The following RIT2 variants were observed in gnomAD, a reference collection of about 807,000 sequenced individuals.
The protein encoded by RIT2 is Ras like without CAAX 2.
RIT2 carries 24 observed loss-of-function variants against 23.7 expected under a neutral mutation model. The observed-to-expected ratio is 1.01, with a 90% CI of 0.73 to 1.43. RIT2 has a LOEUF of 1.43. Among genes scored for constraint, RIT2 ranks in the 40% most tolerant of loss-of-function variants. The probability of loss-of-function intolerance (pLI) is 0.00; values close to 1 mark genes in which losing one functional copy is unlikely to be tolerated. For missense variants in RIT2, 236 were observed against 266.9 expected, an observed-to-expected ratio of 0.88 and a Z score of 0.81; for synonymous variants, 107 against 91.1, an observed-to-expected ratio of 1.17 and a Z score of -0.99.
intron 1 of RIT2, among the ~76,000 whole-genome samples, chr18:43,066,319 G>A (rs745926764): frequency 3.3e-5 from 5 of 152,022 alleles, no homozygotes; most frequent in Non-Finnish European, 5.9e-5. Context: ...AATTTACAAA[G>A]AAAATCCATA....
At chr18:42,883,470 G>T (rs1341026134) in intron 4 of RIT2, among the ~76,000 whole-genome samples, 1 of 152,100 alleles carries the variant, frequency 6.6e-6, no homozygotes, top group Non-Finnish European at 1.5e-5. Context: ...TAGAGACTCA[G>T]CAGGACACAG....
chr18:42,953,189 T>G (rs1312982474), intron 3 of RIT2, among the ~76,000 whole-genome samples: 3 of 152,182 alleles, frequency 2.0e-5, no homozygotes, highest in African/African-American at 7.2e-5. Flanking sequence ...TTAATATCAT[T>G]TTAATATGTT....
In RIT2 at chr18:42,983,530, C is replaced by G. The variant is rs140262163; in HGVS notation, c.161-9383G>C. On this transcript the variant is annotated intron_variant, in intron 2 of 4. Coordinates refer to ENST00000326695, the MANE Select transcript of RIT2 (RefSeq NM_002930.4). ...AAATTTTAAAAATCAATATCTTTTA[C>G]TCTATGAAAGACTCCATTAACATGA... Among the ~76,000 whole-genome samples the G allele has an allele frequency of 2.7e-3, 406 of 152,070 alleles. 4 individuals are homozygous for G. Among genetic ancestry groups the G allele is most frequent in the African/African-American group, 9.5e-3 (394 of 41,518 alleles).
intron 4 of RIT2, among the ~76,000 whole-genome samples, chr18:42,783,126 C>T (rs1474189578): frequency 1.3e-5 from 2 of 152,106 alleles, no homozygotes; most frequent in Non-Finnish European, 2.9e-5. Context: ...TCTTACCAAA[C>T]ACGTTTGTCC....
intron 1 of RIT2, among the ~76,000 whole-genome samples, chr18:43,053,948 T>A (rs1912442114): frequency 6.6e-6 from 1 of 152,188 alleles, no homozygotes; most frequent in South Asian, 2.1e-4. Context: ...GTCATACAAA[T>A]GTATTTTGGA....
chr18:42,928,623 T>A (rs1418617728), intron 3 of RIT2, among the ~76,000 whole-genome samples: 1 of 151,940 alleles, frequency 6.6e-6, no homozygotes, highest in Admixed American at 6.6e-5. Flanking sequence ...GAAAAAATTA[T>A]AAAGGATTAA....
Position 42,907,701 on chromosome 18 carries a change from C to G in RIT2, c.426+15871G>C, listed in dbSNP as rs180837236. 2.0e-5 allele frequency among the ~76,000 whole-genome samples: 3 copies of G among 152,234 alleles called. No homozygotes were observed. In the East Asian group the frequency reaches 5.8e-4, roughly 29 times the overall value. On this transcript the variant is annotated intron_variant, in intron 4 of 4. Coordinates refer to ENST00000326695, the MANE Select transcript of RIT2 (RefSeq NM_002930.4). ...TGAAATTATCTGTTAAAGATTTTAGCCAGGTATGGTGGCTCATGCCTGAAA... is the reference window on the plus strand; with the variant it reads ...TGAAATTATCTGTTAAAGATTTTAGGCAGGTATGGTGGCTCATGCCTGAAA...
At chr18:43,080,565 C>T (rs1009135288) in intron 1 of RIT2, among the ~76,000 whole-genome samples, 2 of 152,126 alleles carry the variant, frequency 1.3e-5, no homozygotes, top group Non-Finnish European at 2.9e-5. Flanking sequence ...CCCCTTATTG[C>T]TTATGTGCTA....
At chr18:42,765,986 T>C (rs923416255) in intron 4 of RIT2, among the ~76,000 whole-genome samples, 1 of 152,158 alleles carries the variant, frequency 6.6e-6, no homozygotes, top group Non-Finnish European at 1.5e-5. Context: ...TTTCACCTCC[T>C]GCCATGATTC....
At chr18:42,880,804 C>CTTTTTT (rs397966126) in intron 4 of RIT2, among the ~76,000 whole-genome samples, 172 of 115,540 alleles carry the variant, frequency 1.5e-3, no homozygotes, top group Non-Finnish European at 2.1e-3. Context: ...CTTCCTACCT[C>CTTTTTT]TTTTTTTTTT....
intron 1 of RIT2, among the ~76,000 whole-genome samples, chr18:43,104,191 G>C (rs1449487282): frequency 6.6e-6 from 1 of 152,134 alleles, no homozygotes; most frequent in African/African-American, 2.4e-5. Context: ...GGCATAGAAA[G>C]ATAAATACCA....
chr18:42,898,181 C>T (rs772215528), intron 4 of RIT2, among the ~76,000 whole-genome samples: 1 of 152,086 alleles, frequency 6.6e-6, no homozygotes, highest in African/African-American at 2.4e-5. Context: ...GCAGGCAGAT[C>T]ACATGAGGCC....
chr18:43,052,837 A>T (rs2144311646), intron 1 of RIT2, among the ~76,000 whole-genome samples: 1 of 152,240 alleles, frequency 6.6e-6, no homozygotes, highest in Middle Eastern at 3.4e-3. Flanking sequence ...GTAGCCTATC[A>T]AAGCAAGTGC....
In RIT2 at chr18:42,863,579, C is replaced by A. The variant is rs533532797; in HGVS notation, c.426+59993G>T. Among the ~76,000 whole-genome samples, 3 of 152,166 alleles carry A rather than the reference C, an allele frequency of 2.0e-5. No individual in the cohort carries two copies. In the East Asian group the frequency reaches 5.8e-4, roughly 29 times the overall value. On this transcript the variant is annotated intron_variant, in intron 4 of 4. Coordinates refer to ENST00000326695, the MANE Select transcript of RIT2 (RefSeq NM_002930.4). ...ACAATGTTATTGAACCTCTTATAAG[C>A]AGTAACATAAATTTCTTTCAAATTA... is the stretch of plus-strand genomic sequence containing the variant.
At chr18:43,017,256 C>A (rs1323542387) in intron 2 of RIT2, among the ~76,000 whole-genome samples, 1 of 151,930 alleles carries the variant, frequency 6.6e-6, no homozygotes, top group African/African-American at 2.4e-5. Flanking sequence ...GCTTTTACAT[C>A]TCAATTTGCT....
chr18:43,045,360 T>A (rs549395242), intron 1 of RIT2, among the ~76,000 whole-genome samples: 12 of 152,308 alleles, frequency 7.9e-5, no homozygotes, highest in African/African-American at 2.6e-4. Flanking sequence ...ATATGAGAAT[T>A]AACATTGTTA....
intron 2 of RIT2, among the ~76,000 whole-genome samples, chr18:43,029,342 A>C (rs1166018901): frequency 6.6e-6 from 1 of 151,990 alleles, no homozygotes; most frequent in Non-Finnish European, 1.5e-5. Flanking sequence ...GTATAGTTGG[A>C]AACTTGTTGG....
rs552574039 is a variant in RIT2 at position 43,053,165 on chromosome 18, T to C, written c.104-19298A>G. Reference sequence around the variant, plus strand: ...TGCTGCTCCTTGTTAGCTGTGTGGATTAGTTTAGGTAATGCTGTCTAAACT... The same window carrying C: ...TGCTGCTCCTTGTTAGCTGTGTGGACTAGTTTAGGTAATGCTGTCTAAACT... On this transcript the variant is annotated intron_variant, in intron 1 of 4. Coordinates refer to ENST00000326695, the MANE Select transcript of RIT2 (RefSeq NM_002930.4). Among the ~76,000 whole-genome samples the C allele has an allele frequency of 2.6e-5, 4 of 152,190 alleles. No homozygotes were observed. The East Asian group carries it at 7.7e-4, about 29-fold the overall frequency.
intron 4 of RIT2, among the ~76,000 whole-genome samples, chr18:42,780,099 T>C (rs1650267868): frequency 8.7e-6 from 1 of 115,540 alleles, no homozygotes; most frequent in Admixed American, 1.3e-4. Context: ...TCATGGCCCC[T>C]GTCACAGCCT....
Sources: allele counts gnomAD v4.1 joint callset (sites outside exome capture counted in the v4.1 genomes callset), GRCh38; gene constraint gnomAD v4.1.1; transcripts MANE v1.5; gene names NCBI Gene and HGNC (gene_info 2026-07-23, HGNC 2026-07-21).